Variants in STK32C observed in about 807,000 individuals in gnomAD.
STK32C encodes the protein serine/threonine-protein kinase 32C.
A neutral mutation model predicts 56.5 loss-of-function variants in STK32C; 31 were observed. The observed-to-expected ratio is 0.55, with a 90% CI of 0.41 to 0.74. The LOEUF (loss-of-function observed/expected upper bound fraction) is 0.74. Ranked by LOEUF, STK32C falls within the 30% of genes least tolerant of loss-of-function variation. STK32C has a pLI of 0.00. For missense variants in STK32C, 544 were observed against 676.9 expected (o/e 0.80, Z 2.18); for synonymous variants, 309 against 289.4 (o/e 1.07, Z -0.69).
chr10:132,280,638 GACACTCCACTCCATGATCACC>G (rs1239222316), intron 1 of STK32C, among the ~76,000 whole-genome samples: 1 of 91,464 alleles, frequency 1.1e-5, no homozygotes, highest in African/African-American at 3.7e-5. Flanking sequence ...CCGTGATCAC[GACACTCCACTCCATGATCACC>G]ACACTCCACT....
At chr10:132,290,525 T>G (rs958761533) in intron 1 of STK32C, among the ~76,000 whole-genome samples, 1 of 152,190 alleles carries the variant, frequency 6.6e-6, no homozygotes, top group African/African-American at 2.4e-5. Context: ...GAGTGACATC[T>G]CCAAACTCAA....
upstream of STK32C, chr10:132,332,213 A>T (rs1239746809): frequency 6.5e-6 from 1 of 154,264 alleles, no homozygotes; most frequent in Non-Finnish European, 1.4e-5. Flanking sequence ...TGCTGCTCTC[A>T]GCGGCGGGGC....
At chr10:132,267,898 CGT>C (rs111617099) in intron 1 of STK32C, among the ~76,000 whole-genome samples, 8 of 129,436 alleles carry the variant, frequency 6.2e-5, no homozygotes, top group Admixed American at 5.7e-4. Context: ...TGTCCCACAT[CGT>C]GTGTGTGTGT....
chr10:132,243,543 C>G (rs76107891), intron 2 of STK32C, among the ~76,000 whole-genome samples: 9,006 of 152,194 alleles, frequency 0.059, 347 homozygotes, highest in African/African-American at 0.1. Flanking sequence ...AATTAACTAC[C>G]GCCACCACTT....
Position 132,307,728 on chromosome 10 carries a change from G to A in STK32C, c.106C>T (p.Pro36Ser), listed in dbSNP as rs776012342. The change falls in exon 1 of 12, where the codon CCG becomes TCG. Residue 36 changes from proline to serine, a missense_variant. Coordinates refer to ENST00000298630, the MANE Select transcript of STK32C (RefSeq NM_173575.4). The surrounding 1 kb of genome is among the most constrained non-coding windows in gnomAD (Gnocchi z 4.4). ...CGGGGCTGGCCAGCAGCGGGCGGCG[G>A]CAGGGCCGAGGGCGCGTCGGAGCCG... ...PAGSDAPSAL[P>S]PPAAGQPRAR... 5.8e-5 allele frequency: 71 copies of A among 1,216,890 alleles called. No homozygotes were observed. The highest frequency in any genetic ancestry group is 7.1e-5 in the Non-Finnish European group (69 of 970,434). 75.4% of individuals were successfully genotyped at this position (1,216,890 alleles called of 1,614,324 possible).
intron 2 of STK32C, among the ~76,000 whole-genome samples, chr10:132,242,309 G>T (rs536898373): frequency 7.2e-5 from 11 of 152,220 alleles, no homozygotes; most frequent in South Asian, 2.1e-4. Context: ...CGGGACGAGT[G>T]GGGGGAGTGC....
At chr10:132,298,316 G>A (rs570238850) in intron 1 of STK32C, among the ~76,000 whole-genome samples, 17 of 152,360 alleles carry the variant, frequency 1.1e-4, no homozygotes, top group South Asian at 6.2e-4. Context: ...AAGAAGGCCC[G>A]GCATCTTCTA....
rs753320658 is a variant in STK32C at position 132,226,925 on chromosome 10, G to A, written c.514C>T (p.Leu172=). The change falls in exon 4 of 12, where the codon CTG becomes TTG. Residue 172 remains leucine, a synonymous_variant. Coordinates refer to ENST00000298630, the MANE Select transcript of STK32C (RefSeq NM_173575.4). ...DEEDMFMVVD[L]LLGGDLRYHL... is the part of the protein sequence containing the mutation. ...TAGCGCAGGTCCCCGCCCAGTAGCA[G>A]GTCCACGACCATGAACATGTCCTCC... 4.2e-5 allele frequency: 68 copies of A among 1,613,474 alleles called. No homozygotes were observed. The highest frequency in any genetic ancestry group is 1.6e-4 in the Middle Eastern group (1 of 6,062).
At chr10:132,304,793 G>A (rs755776477) in intron 1 of STK32C, among the ~76,000 whole-genome samples, 5 of 152,220 alleles carry the variant, frequency 3.3e-5, no homozygotes, top group South Asian at 2.1e-4. Flanking sequence ...CTGCCTGCCC[G>A]GCCCGGCGCC....
intron 1 of STK32C, among the ~76,000 whole-genome samples, chr10:132,292,631 C>A (rs1160168978): frequency 6.6e-6 from 1 of 152,198 alleles, no homozygotes; most frequent in East Asian, 1.9e-4. Flanking sequence ...GTGCTCATAC[C>A]CATACAGGCT....
chr10:132,209,725 T>C (rs1355849597), intron 10 of STK32C, among the ~76,000 whole-genome samples: 1 of 151,942 alleles, frequency 6.6e-6, no homozygotes, highest in Non-Finnish European at 1.5e-5. Context: ...TGGCATGGTG[T>C]GGGGAAAGCA....
chr10:132,253,026 A>T (rs1461497858), intron 1 of STK32C, among the ~76,000 whole-genome samples: 1 of 152,162 alleles, frequency 6.6e-6, no homozygotes, highest in Non-Finnish European at 1.5e-5. Flanking sequence ...CAGGCCCCAC[A>T]ATCAGAGATA....
chr10:132,255,972 G>A lies in STK32C; in HGVS notation c.263-10017C>T, dbSNP rs1327598535. On this transcript the variant is annotated intron_variant, in intron 1 of 11. Coordinates refer to ENST00000298630, the MANE Select transcript of STK32C (RefSeq NM_173575.4). This position sits in a 1 kb window ranked among gnomAD's most constrained non-coding sequence, Gnocchi z 4.6. ...GAGCCCTGGTGTCCAGCTTGGACTC[G>A]CCCGGGTGGCTTGGCGGCTTCCCGG... Among the ~76,000 whole-genome samples the A allele has an allele frequency of 1.3e-5, 2 of 152,186 alleles. No homozygotes were observed. Among genetic ancestry groups the A allele is most frequent in the Non-Finnish European group, 2.9e-5 (2 of 68,028 alleles).
chr10:132,299,779 T>C (rs897804907), intron 1 of STK32C, among the ~76,000 whole-genome samples: 1 of 152,226 alleles, frequency 6.6e-6, no homozygotes, highest in Non-Finnish European at 1.5e-5. Context: ...ATGTGTCCCC[T>C]GGGCACGAAC....
In STK32C at chr10:132,222,868, AC is replaced by A; in HGVS notation, c.1111del (p.Val371CysfsTer18). ...AGCCGCCCACAGGCTTACGTTGGGC[AC>A]GAAGCCCGGCTCCACCCTCTTCTCG... Reference protein sequence around the residue: ...LSEKRVEPGFVPNKGRLHCDP... With the variant: ...LSEKRVEPGFXPNKGRLHCDP... On this transcript the variant is annotated frameshift_variant, in exon 9 of 12. Transcript: ENST00000298630. LOFTEE classifies it high-confidence loss of function. 2.5e-6 allele frequency: 4 copies of A among 1,585,464 alleles called. No individual in the cohort carries two copies. Among genetic ancestry groups the A allele is most frequent in the Non-Finnish European group, 3.4e-6 (4 of 1,168,298 alleles).
intron 1 of STK32C, among the ~76,000 whole-genome samples, chr10:132,328,356 C>T (rs1304093927): frequency 1.3e-5 from 2 of 151,890 alleles, no homozygotes; most frequent in Non-Finnish European, 2.9e-5. Context: ...TGGGTGGTGT[C>T]GGCTGATCTG....
chr10:132,227,834 G>A, intron 3 of STK32C, 143 bp downstream of exon 3: 1 of 1,065,622 alleles, frequency 9.4e-7, no homozygotes, highest in Non-Finnish European at 1.4e-6. Flanking sequence ...GGATAGATGA[G>A]GAGGGCTAGA....
chr10:132,300,999 G>A (rs1217541176), intron 1 of STK32C, among the ~76,000 whole-genome samples: 1 of 152,156 alleles, frequency 6.6e-6, no homozygotes, highest in African/African-American at 2.4e-5. Flanking sequence ...TGGCTGGGAA[G>A]GGAAATGACA....
intron 1 of STK32C, among the ~76,000 whole-genome samples, chr10:132,283,698 T>G (rs949562110): frequency 6.6e-6 from 1 of 152,148 alleles, no homozygotes; most frequent in Non-Finnish European, 1.5e-5. Flanking sequence ...CGGGCTGTCA[T>G]GGAGATGACC....
Sources: gnomAD v4.1 joint callset for allele counts (sites outside exome capture counted in the v4.1 genomes callset) on GRCh38, gnomAD v4.1.1 for gene constraint, Gnocchi (gnomAD v3.1) non-coding constraint, MANE v1.5 for transcripts, NCBI Gene and HGNC (gene_info 2026-07-23, HGNC 2026-07-21) for gene names.